Variants in CEP112 observed in about 807,000 individuals in gnomAD.
The protein encoded by CEP112 is centrosomal protein of 112 kDa.
In CEP112, 127 loss-of-function variants were observed where a neutral mutation model predicts 153.0. The observed-to-expected ratio is 0.83, with a 90% CI of 0.72 to 0.96. The LOEUF is 0.96. CEP112 is among the 40% of genes least tolerant of loss of function. The probability of loss-of-function intolerance (pLI) is 0.00; values close to 1 mark genes in which losing one functional copy is unlikely to be tolerated. For synonymous variants in CEP112, 358 were observed against 374.4 expected (o/e 0.96, Z 0.51); for missense variants, 1,089 against 1,101.2 (o/e 0.99, Z 0.16).
chr17:65,660,535 TTC>T (rs1202818815), intron 24 of CEP112, among the ~76,000 whole-genome samples: 1 of 131,280 alleles, frequency 7.6e-6, no homozygotes, highest in Non-Finnish European at 1.6e-5. Context: ...TCTTCCTTTC[TTC>T]TCTTTTTTTC....
chr17:65,755,270 C>T (rs993786435), intron 21 of CEP112, among the ~76,000 whole-genome samples: 1 of 152,078 alleles, frequency 6.6e-6, no homozygotes, highest in Admixed American at 6.6e-5. Context: ...ACATGCATAT[C>T]TTCACATGCC....
At chr17:66,129,866 A>G in intron 5 of CEP112, 43 bp from the exon 6 acceptor site, 1 of 1,258,294 alleles carries the variant, frequency 7.9e-7, no homozygotes, top group East Asian at 2.4e-5. Flanking sequence ...GGAAGGAAAG[A>G]TGGAAGAAAT....
intron 21 of CEP112, among the ~76,000 whole-genome samples, chr17:65,751,775 C>T (rs2051866627): frequency 1.3e-5 from 2 of 152,174 alleles, no homozygotes; most frequent in African/African-American, 4.8e-5. Flanking sequence ...TGAACAGCAT[C>T]ATCATTAACA....
At chr17:65,740,163 T>C (rs1257795863) in intron 23 of CEP112, among the ~76,000 whole-genome samples, 1 of 152,198 alleles carries the variant, frequency 6.6e-6, no homozygotes, top group Non-Finnish European at 1.5e-5. Context: ...ACATTTTCAA[T>C]ATCCTTATAT....
At chr17:66,043,125 A>T in intron 12 of CEP112, 1 of 957,524 alleles carries the variant, frequency 1.0e-6, no homozygotes, top group Non-Finnish European at 1.2e-6. Context: ...TCATGGATGG[A>T]ATTCAGACTG....
chr17:66,145,450 C>T (rs1348018519), intron 4 of CEP112, among the ~76,000 whole-genome samples: 1 of 152,006 alleles, frequency 6.6e-6, no homozygotes, highest in African/African-American at 2.4e-5. Flanking sequence ...AAATCTTTGC[C>T]TGTTCCAACG....
chr17:66,045,181 C>T (rs1229819053), intron 12 of CEP112, among the ~76,000 whole-genome samples: 1 of 152,074 alleles, frequency 6.6e-6, no homozygotes, highest in Non-Finnish European at 1.5e-5. Flanking sequence ...AGCAATCCTC[C>T]CACCTCGGCC....
At chr17:65,876,022 A>C (rs1598851470) in intron 20 of CEP112, among the ~76,000 whole-genome samples, 1 of 152,040 alleles carries the variant, frequency 6.6e-6, no homozygotes, top group East Asian at 1.9e-4. Flanking sequence ...TTCTGCTTTT[A>C]CTGCCTCCTA....
intron 8 of CEP112, among the ~76,000 whole-genome samples, chr17:66,078,303 T>C (rs1301077374): frequency 6.7e-6 from 1 of 148,694 alleles, no homozygotes; most frequent in African/African-American, 2.5e-5. Context: ...TCTGTTCCCA[T>C]GCTGAAGTGC....
At chr17:66,188,756 T>C (rs2146954634) in intron 1 of CEP112, among the ~76,000 whole-genome samples, 1 of 152,292 alleles carries the variant, frequency 6.6e-6, no homozygotes, top group Admixed American at 6.5e-5. Context: ...GTATACAATA[T>C]ATTCCATCAG....
chr17:66,130,711 G>T (rs1242772346), intron 5 of CEP112, among the ~76,000 whole-genome samples: 1 of 144,020 alleles, frequency 6.9e-6, no homozygotes, highest in Non-Finnish European at 1.5e-5. Context: ...GGGAGGTGGA[G>T]CTTGCAGTGA....
intron 12 of CEP112, 138 bp downstream of exon 12, chr17:66,053,598 G>A: frequency 4.0e-6 from 3 of 756,446 alleles, no homozygotes; most frequent in Non-Finnish European, 6.1e-6. Flanking sequence ...ACATAAATCT[G>A]TATGGAGTAG....
chr17:66,012,902 C>G (rs1375013990), intron 16 of CEP112, among the ~76,000 whole-genome samples: 1 of 152,028 alleles, frequency 6.6e-6, no homozygotes, highest in Non-Finnish European at 1.5e-5. Context: ...CCGTATTTCT[C>G]TGAAGTTGTT....
At chr17:66,124,317 ACT>A (rs2069737205) in intron 6 of CEP112, among the ~76,000 whole-genome samples, 1 of 152,010 alleles carries the variant, frequency 6.6e-6, no homozygotes, top group South Asian at 2.1e-4. Context: ...CACTGGCCAA[ACT>A]CTGAAGGAAC....
At chr17:65,802,059 T>C (rs1367413954) in intron 21 of CEP112, among the ~76,000 whole-genome samples, 1 of 152,186 alleles carries the variant, frequency 6.6e-6, no homozygotes, top group African/African-American at 2.4e-5. Flanking sequence ...ACTGTTTATT[T>C]AGTGACTTTT....
At chr17:65,783,711 A>G (rs895113310) in intron 21 of CEP112, among the ~76,000 whole-genome samples, 8 of 152,232 alleles carry the variant, frequency 5.3e-5, no homozygotes, top group Non-Finnish European at 8.8e-5. Context: ...TATGATGCCC[A>G]TACAAAACAT....
intron 21 of CEP112, among the ~76,000 whole-genome samples, chr17:65,815,315 C>CA (rs2056207461): frequency 6.6e-6 from 1 of 151,974 alleles, no homozygotes; most frequent in Admixed American, 6.6e-5. Flanking sequence ...ACATTTTTGT[C>CA]AAAAATTGAT....
rs770252882 is a variant in CEP112 at position 65,925,392 on chromosome 17, A to G, written c.1980+2190T>C. ...AGAACAGACTAATACAGTTGGTAACATCTATGTCCTGTTCTGTAACCCTAA... is the reference window on the plus strand; with the variant it reads ...AGAACAGACTAATACAGTTGGTAACGTCTATGTCCTGTTCTGTAACCCTAA... On this transcript the variant is annotated intron_variant, in intron 19 of 26. Transcript: ENST00000535342. Among the ~76,000 whole-genome samples, 6 of 152,322 alleles carry G rather than the reference A, an allele frequency of 3.9e-5. No homozygotes were observed. In the South Asian group the frequency reaches 8.3e-4, roughly 21 times the overall value.
intron 4 of CEP112, among the ~76,000 whole-genome samples, chr17:66,163,983 C>G (rs2146781997): frequency 6.6e-6 from 1 of 152,262 alleles, no homozygotes; most frequent in South Asian, 2.1e-4. Flanking sequence ...GAGAAAAAAG[C>G]CTAAATGGCC....
Sources: gnomAD v4.1 joint callset for allele counts (sites outside exome capture counted in the v4.1 genomes callset) on GRCh38, gnomAD v4.1.1 for gene constraint, MANE v1.5 for transcripts, NCBI Gene and HGNC (gene_info 2026-07-23, HGNC 2026-07-21) for gene names.